Variants in EBPL observed in about 807,000 individuals in gnomAD.
EBPL encodes EBP like, also known as emopamil-binding protein-like.
Under a neutral mutation model 19.0 loss-of-function variants are expected in EBPL, and 20 were observed. That is an observed-to-expected ratio of 1.05 (90% CI 0.74 to 1.53). EBPL has a LOEUF of 1.53. EBPL is among the 40% of genes most tolerant of loss of function. The pLI is 0.00. For synonymous variants in EBPL, 107 were observed against 117.0 expected (o/e 0.91, Z 0.55); for missense variants, 219 against 261.1 (o/e 0.84, Z 1.11).
rs1046262430 is a variant in EBPL at position 49,673,989 on chromosome 13, AC to A, written c.172-4144del. On this transcript the variant is annotated intron_variant, in intron 1 of 3. Coordinates refer to ENST00000242827, the MANE Select transcript of EBPL (RefSeq NM_032565.5). ...CACACACACACACACACACACACAC[AC>A]ACCACACAAAGAAACTGACAGTCTG... Among the ~76,000 whole-genome samples, 246 of 151,378 alleles carry A rather than the reference AC, an allele frequency of 1.6e-3. 2 individuals are homozygous for A. The highest frequency in any genetic ancestry group is 0.013 in the Admixed American group (197 of 15,240).
At chr13:49,677,907 G>C (rs1041435530) in intron 1 of EBPL, among the ~76,000 whole-genome samples, 2 of 152,230 alleles carry the variant, frequency 1.3e-5, no homozygotes, top group African/African-American at 4.8e-5. Context: ...GGCCTCAGGA[G>C]TGAAGCTGCA....
In EBPL at chr13:49,669,851, AGAG is replaced by A; in HGVS notation, c.172-8_172-6del. On this transcript the variant is annotated splice_polypyrimidine_tract_variant and splice_region_variant and intron_variant, in intron 1 of 3. Coordinates refer to ENST00000242827, the MANE Select transcript of EBPL (RefSeq NM_032565.5). Reference sequence around the variant, plus strand: ...CAAGTAGACAAAAGGGCCTTCCTAGAGAGGAGAAAATGAAGACATGCTCTAATA... The same window carrying A: ...CAAGTAGACAAAAGGGCCTTCCTAGAGAGAAAATGAAGACATGCTCTAATA... The A allele has an allele frequency of 6.2e-7, 1 of 1,611,892 alleles. No homozygotes were observed. The highest frequency in any genetic ancestry group is 8.5e-7 in the Non-Finnish European group (1 of 1,178,138).
At chr13:49,673,200 G>A (rs935611919) in intron 1 of EBPL, among the ~76,000 whole-genome samples, 2 of 152,022 alleles carry the variant, frequency 1.3e-5, no homozygotes, top group Non-Finnish European at 1.5e-5. Flanking sequence ...GGATAGAAGC[G>A]ATACAGCCAC....
At chr13:49,667,520 A>G (rs185117993) in intron 2 of EBPL, among the ~76,000 whole-genome samples, 1 of 152,292 alleles carries the variant, frequency 6.6e-6, no homozygotes. Context: ...ACGGTATCAG[A>G]ATCTGCATTT....
rs1965135209 is a variant in EBPL at position 49,660,955 on chromosome 13, T to C, written c.*13A>G. The stretch of plus-strand genomic sequence containing the variant: ...TCATGAAGTTAGATAATGGTGTTTA[T>C]GGTTTTGAAAGTTCACTGAAACTTC... On this transcript the variant is annotated 3_prime_UTR_variant, in exon 4 of 4. Transcript: ENST00000242827. 6.3e-7 allele frequency: 1 copy of C among 1,596,452 alleles called. No homozygotes were observed. The highest frequency in any genetic ancestry group is 1.3e-5 in the African/African-American group (1 of 74,344).
At chr13:49,664,304 A>G (rs892001919) in intron 2 of EBPL, among the ~76,000 whole-genome samples, 1 of 152,064 alleles carries the variant, frequency 6.6e-6, no homozygotes, top group Admixed American at 6.5e-5. Flanking sequence ...TGCTGAAGGG[A>G]CAGTGGGCAG....
At chr13:49,675,605 T>C (rs1018878910) in intron 1 of EBPL, among the ~76,000 whole-genome samples, 5 of 152,258 alleles carry the variant, frequency 3.3e-5, no homozygotes, top group Non-Finnish European at 7.3e-5. Context: ...TGGACATTTA[T>C]GTTGTTTCCA....
intron 2 of EBPL, among the ~76,000 whole-genome samples, chr13:49,667,259 T>C (rs1473788519): frequency 6.6e-6 from 1 of 152,158 alleles, no homozygotes; most frequent in Non-Finnish European, 1.5e-5. Flanking sequence ...ACAGGAGCAT[T>C]AAAAAGCCTG....
chr13:49,682,965 T>A (rs926511703), intron 1 of EBPL, among the ~76,000 whole-genome samples: 3 of 152,130 alleles, frequency 2.0e-5, no homozygotes, highest in Admixed American at 6.5e-5. Context: ...GCATTCATTC[T>A]TTCATTCATT....
At chr13:49,689,265 G>A (rs1208989274) in intron 1 of EBPL, among the ~76,000 whole-genome samples, 1 of 152,206 alleles carries the variant, frequency 6.6e-6, no homozygotes, top group African/African-American at 2.4e-5. Flanking sequence ...AGCTTGAAAA[G>A]TAAACAGTCT....
At chr13:49,678,024 G>T (rs942937820) in intron 1 of EBPL, among the ~76,000 whole-genome samples, 1 of 24,038 alleles carries the variant, frequency 4.2e-5, no homozygotes, top group African/African-American at 6.7e-5. Flanking sequence ...AGCGTGGAAG[G>T]GGACCCAAGC....
rs151187534 is a variant in EBPL at position 49,663,320 on chromosome 13, C to T, written c.242-125G>A. 1.2e-4 allele frequency: 148 copies of T among 1,271,556 alleles called. 1 individual carries two copies. In the East Asian group the frequency reaches 2.9e-3, roughly 25 times the overall value. The allele number at this position is 1,271,556 out of a possible 1,614,324, so 78.8% of individuals were successfully genotyped here. The stretch of plus-strand genomic sequence containing the variant: ...ATCGCCACTCTCTCTGCATTCTTCA[C>T]GATGCCTTAGTGGAAGGCAGGAGAA... On this transcript the variant is annotated intron_variant, in intron 2 of 3. Transcript: ENST00000242827.
chr13:49,661,970 C>T, intron 3 of EBPL: 1 of 1,486,164 alleles, frequency 6.7e-7, no homozygotes, highest in South Asian at 1.2e-5. Context: ...TTTATAGTCT[C>T]TGAGTCTGAT....
At chr13:49,674,274 T>C (rs1241227193) in intron 1 of EBPL, among the ~76,000 whole-genome samples, 1 of 152,082 alleles carries the variant, frequency 6.6e-6, no homozygotes, top group Non-Finnish European at 1.5e-5. Context: ...GGCTAATTTT[T>C]TGTATTTTTA....
intron 1 of EBPL, among the ~76,000 whole-genome samples, chr13:49,676,161 T>G (rs2137498901): frequency 6.6e-6 from 1 of 152,318 alleles, no homozygotes; most frequent in South Asian, 2.1e-4. Flanking sequence ...TCTCAAAGCA[T>G]TTGGTAAAGC....
intron 2 of EBPL, among the ~76,000 whole-genome samples, chr13:49,666,429 A>G (rs9535288): frequency 0.59 from 89,218 of 151,888 alleles, 26,648 homozygotes; most frequent in East Asian, 0.81. Context: ...ACTGAATCCC[A>G]GCCAGGGAGG....
intron 1 of EBPL, among the ~76,000 whole-genome samples, chr13:49,672,318 T>C (rs1370008274): frequency 6.6e-6 from 1 of 152,228 alleles, no homozygotes; most frequent in Non-Finnish European, 1.5e-5. Context: ...ATAATACATA[T>C]CAAGTGTAAC....
intron 1 of EBPL, among the ~76,000 whole-genome samples, chr13:49,678,402 C>T (rs1275930275): frequency 1.3e-5 from 2 of 152,202 alleles, no homozygotes; most frequent in East Asian, 1.9e-4. Flanking sequence ...CCTTCAGGAG[C>T]GGGGGTGGTG....
At chr13:49,665,715 C>CTTTTTTT (rs35993290) in intron 2 of EBPL, among the ~76,000 whole-genome samples, 2 of 146,992 alleles carry the variant, frequency 1.4e-5, no homozygotes, top group African/African-American at 5.0e-5. Flanking sequence ...TTCAACAAGT[C>CTTTTTTT]TTTTTTTTTT....
Sources: gnomAD v4.1 joint callset for allele counts (sites outside exome capture counted in the v4.1 genomes callset) on GRCh38, gnomAD v4.1.1 for gene constraint, MANE v1.5 for transcripts, NCBI Gene and HGNC (gene_info 2026-07-23, HGNC 2026-07-21) for gene names.